DNAH5: variants seen among roughly 807,000 people sequenced by gnomAD.
DNAH5 encodes the protein axonemal beta dynein heavy chain 5.
DNAH5 carries 372 observed loss-of-function variants against 518.2 expected under a neutral mutation model. The ratio of observed to expected loss-of-function variants is 0.72; its 90% CI spans 0.66 to 0.78. DNAH5 has a LOEUF of 0.78. Among genes scored for constraint, DNAH5 ranks in the 30% least tolerant of loss-of-function variants. The pLI is 0.00. For missense variants in DNAH5, 5,523 were observed against 5,687.0 expected, an observed-to-expected ratio of 0.97 and a Z score of 0.93; for synonymous variants, 2,039 against 2,025.9, an observed-to-expected ratio of 1.01 and a Z score of -0.17.
intron 40 of DNAH5, among the ~76,000 whole-genome samples, chr5:13,820,868 A>C (rs552846164): frequency 4.1e-4 from 62 of 150,392 alleles, no homozygotes; most frequent in African/African-American, 1.5e-3. Flanking sequence ...ATCTCAATTT[A>C]CCATTGTGCC....
chr5:13,938,345 G>A (rs1779141281), intron 1 of DNAH5, among the ~76,000 whole-genome samples: 1 of 152,116 alleles, frequency 6.6e-6, no homozygotes, highest in Non-Finnish European at 1.5e-5. Context: ...TGCAGGCTTC[G>A]TGTCACCTCA....
chr5:13,970,910 T>C (rs1243857867), intron 1 of DNAH5, among the ~76,000 whole-genome samples: 4 of 152,176 alleles, frequency 2.6e-5, no homozygotes, highest in Non-Finnish European at 5.9e-5. Flanking sequence ...TCTTCTTCCT[T>C]GGGAACATCA....
At chr5:13,946,800 T>C (rs1360625148), upstream of DNAH5, among the ~76,000 whole-genome samples, 2 of 152,254 alleles carry the variant, frequency 1.3e-5, no homozygotes, top group Non-Finnish European at 2.9e-5. Flanking sequence ...TCCAAGTACC[T>C]GCAGGCAAAG....
chr5:13,704,934 GAAGTATGTTCAA>G (rs1742579436), intron 76 of DNAH5, among the ~76,000 whole-genome samples: 1 of 152,066 alleles, frequency 6.6e-6, no homozygotes, highest in Non-Finnish European at 1.5e-5. Flanking sequence ...TTAGATAGGA[GAAGTATGTTCAA>G]AAGATCTATT....
At chr5:13,862,961 T>C (rs543962404) in intron 28 of DNAH5, among the ~76,000 whole-genome samples, 136 of 152,102 alleles carry the variant, frequency 8.9e-4, no homozygotes, top group South Asian at 3.5e-3. Flanking sequence ...AAGATATGAC[T>C]GAAAAATAGA....
In DNAH5 at chr5:13,919,265, T is replaced by C. The variant is rs545061430; in HGVS notation, c.886A>G (p.Lys296Glu). ...AATTGTTCCAAAAGGTAGTTAAACT[T>C]GGAGAGTCTTTTTTTCCAGTGCTCC... is the stretch of plus-strand genomic sequence containing the variant. ...ELEHWKKRLSKFNYLLEQLKS... is the reference protein window; with the variant it reads ...ELEHWKKRLSEFNYLLEQLKS... Residue 296 changes from lysine to glutamate, a missense_variant, in exon 7 of 79, where the codon AAG (lysine) becomes GAG (glutamate). Physicochemically the swap from Lys to Glu is moderately conservative, Grantham distance 56 (BLOSUM62 1). Transcript: ENST00000265104. The C allele has an allele frequency of 9.9e-6, 16 of 1,614,116 alleles. No individual in the cohort carries two copies. The African/African-American group carries it at 2.0e-4, about 20-fold the overall frequency.
At chr5:13,988,754 C>A (rs1177105085) in intron 1 of DNAH5, among the ~76,000 whole-genome samples, 1 of 116,658 alleles carries the variant, frequency 8.6e-6, no homozygotes, top group East Asian at 3.8e-4. Context: ...CAGAGTCTTA[C>A]TCTGTCACCT....
intron 3 of DNAH5, among the ~76,000 whole-genome samples, chr5:13,924,979 G>A (rs887106170): frequency 2.0e-5 from 3 of 152,176 alleles, no homozygotes; most frequent in African/African-American, 7.2e-5. Context: ...TGGCGCTAAT[G>A]GTGGACTTTG....
Position 13,909,045 on chromosome 5 carries a change from A to G in DNAH5, c.1644+2341T>C, listed in dbSNP as rs534013186. 1.7e-3 allele frequency among the ~76,000 whole-genome samples: 260 copies of G among 152,236 alleles called. 1 individual carries two copies. Among genetic ancestry groups the G allele is most frequent in the Non-Finnish European group, 2.3e-3 (157 of 68,036 alleles). On this transcript the variant is annotated intron_variant, in intron 12 of 78. Transcript: ENST00000265104. ...GAATAAAGAAGTGTAAGTCAAAGAA[A>G]AACTCATTGGCAAACCAAAGACAGA...
At chr5:13,850,839 A>G (rs766603661) in intron 30 of DNAH5, 24 bp from the exon 31 acceptor site, 4 of 1,613,092 alleles carry the variant, frequency 2.5e-6, no homozygotes, top group Admixed American at 3.3e-5. Context: ...GTAACAAAGC[A>G]CACTTAGATT....
chr5:13,836,346 G>C, intron 35 of DNAH5, among the ~76,000 whole-genome samples: 1 of 152,162 alleles, frequency 6.6e-6, no homozygotes, highest in East Asian at 1.9e-4. Flanking sequence ...AGCCATGTGG[G>C]ATCACCTAAA....
intron 30 of DNAH5, among the ~76,000 whole-genome samples, chr5:13,857,891 C>T (rs1409484927): frequency 7.2e-5 from 11 of 152,092 alleles, no homozygotes; most frequent in South Asian, 4.1e-4. Flanking sequence ...AAACATAAGA[C>T]GTAAAACCAT....
rs150149950 is a variant in DNAH5, at chr5:13,871,933, G to A, written c.3397-168C>T. 2.6e-5 allele frequency among the ~76,000 whole-genome samples: 4 copies of A among 152,282 alleles called. No homozygotes were observed. In the East Asian group the frequency reaches 7.7e-4, roughly 29 times the overall value. On this transcript the variant is annotated intron_variant, in intron 22 of 78. Coordinates refer to ENST00000265104, the MANE Select transcript of DNAH5 (RefSeq NM_001369.3). ...GAACTGGGACTATATACAATAGTGT[G>A]GACAGTAGCCCAGGGCTAGTAACAG...
chr5:13,845,117 G>T, intron 31 of DNAH5, 124 bp from the exon 32 acceptor site: 1 of 879,508 alleles, frequency 1.1e-6, no homozygotes, highest in Non-Finnish European at 1.8e-6. Context: ...ATTTTCCTAC[G>T]TGACTTCTCA....
At chr5:13,943,384 C>A (rs1302774922) in intron 1 of DNAH5, among the ~76,000 whole-genome samples, 1 of 152,168 alleles carries the variant, frequency 6.6e-6, no homozygotes, top group African/African-American at 2.4e-5. Flanking sequence ...TATAAGACAT[C>A]GAAGGAAAGT....
At chr5:13,840,340 T>A (rs1381399304) in intron 34 of DNAH5, among the ~76,000 whole-genome samples, 2 of 152,038 alleles carry the variant, frequency 1.3e-5, no homozygotes, top group Non-Finnish European at 2.9e-5. Context: ...CAAATTTCAC[T>A]TTTTATTTCC....
chr5:13,951,691 T>C (rs1780427287), intron 1 of DNAH5, among the ~76,000 whole-genome samples: 2 of 152,172 alleles, frequency 1.3e-5, no homozygotes, highest in South Asian at 4.1e-4. Flanking sequence ...CCTCCTGTGC[T>C]TGCTCTGTCC....
chr5:13,951,933 A>G (rs947424180), intron 1 of DNAH5, among the ~76,000 whole-genome samples: 2 of 152,252 alleles, frequency 1.3e-5, no homozygotes, highest in Non-Finnish European at 2.9e-5. Context: ...GTGCTAAGAT[A>G]TCATGAAAAT....
In DNAH5 at chr5:13,864,377, T is replaced by G. The variant is rs1419797380; in HGVS notation, c.4596+20A>C. 2 of 1,613,202 alleles carry G rather than the reference T, an allele frequency of 1.2e-6. No individual in the cohort carries two copies. Among genetic ancestry groups the G allele is most frequent in the African/African-American group, 2.7e-5 (2 of 75,018 alleles). On this transcript the variant is annotated intron_variant, in intron 28 of 78. Transcript: ENST00000265104. The stretch of plus-strand genomic sequence containing the variant: ...TAAATCCCATGAGACCTTGCAATCT[T>G]CCATCACATCATACTCTACCTCTAT...
Sources: gnomAD v4.1 joint callset for allele counts (sites outside exome capture counted in the v4.1 genomes callset) on GRCh38, gnomAD v4.1.1 for gene constraint, MANE v1.5 for transcripts, NCBI Gene and HGNC (gene_info 2026-07-23, HGNC 2026-07-21) for gene names.